The following PCDHA3 variants were observed in gnomAD, a reference collection of about 807,000 sequenced individuals.
PCDHA3 encodes protocadherin alpha 3.
A neutral mutation model predicts 62.2 loss-of-function variants in PCDHA3; 41 were observed. That is an observed-to-expected ratio of 0.66 (90% confidence interval 0.51 to 0.86). PCDHA3 has a LOEUF of 0.86. Among genes scored for constraint, PCDHA3 ranks in the 40% least tolerant of loss-of-function variants. The pLI is 0.00. For synonymous variants in PCDHA3, 640 were observed against 555.4 expected, an observed-to-expected ratio of 1.15 and a Z score of -2.14; for missense variants, 1,304 against 1,241.2, an observed-to-expected ratio of 1.05 and a Z score of -0.76.
At chr5:140,841,468 G>T (rs1777250619) in intron 1 of PCDHA3, 7 of 1,612,868 alleles carry the variant, frequency 4.3e-6, no homozygotes, top group African/African-American at 1.3e-5. Context: ...GCCGGATCGC[G>T]CAGGACCTGG....
chr5:141,008,299 C>G (rs1223779122), intron 3 of PCDHA3, among the ~76,000 whole-genome samples: 9 of 152,238 alleles, frequency 5.9e-5, no homozygotes, highest in Non-Finnish European at 1.2e-4. Context: ...TGTACCCAAC[C>G]CTAAACTGTA....
intron 1 of PCDHA3, chr5:140,870,137 A>C (rs1554163840): frequency 6.2e-7 from 1 of 1,613,940 alleles, no homozygotes; most frequent in Non-Finnish European, 8.5e-7. Flanking sequence ...ACCAACGATA[A>C]CTCTCCTGAA....
intron 1 of PCDHA3, chr5:140,877,314 G>A (rs2057020187): frequency 6.2e-7 from 1 of 1,613,972 alleles, no homozygotes; most frequent in Admixed American, 1.7e-5. Context: ...TGCAACCGGC[G>A]GCGGTCGGCG....
intron 1 of PCDHA3, among the ~76,000 whole-genome samples, chr5:140,955,368 G>C (rs1554221882): frequency 6.6e-6 from 1 of 152,122 alleles, no homozygotes; most frequent in Admixed American, 6.5e-5. Flanking sequence ...CCCAGTGGGA[G>C]GTAATTGAAT....
chr5:140,868,751 C>A, intron 1 of PCDHA3: 1 of 215,966 alleles, frequency 4.6e-6, no homozygotes, highest in Non-Finnish European at 9.2e-6. Flanking sequence ...ATGCCATTTC[C>A]ATATATATTT....
chr5:140,963,238 A>G (rs1347398946), intron 1 of PCDHA3, among the ~76,000 whole-genome samples: 1 of 152,090 alleles, frequency 6.6e-6, no homozygotes, highest in Non-Finnish European at 1.5e-5. Context: ...TGTTTGATGG[A>G]TTAGGTAGGT....
intron 1 of PCDHA3, chr5:140,829,395 T>C (rs1554131925): frequency 3.7e-6 from 6 of 1,614,052 alleles, no homozygotes; most frequent in Non-Finnish European, 5.1e-6. Flanking sequence ...TCGCCTTCGC[T>C]GTGGGCCACC....
chr5:140,803,598 A>G lies in PCDHA3; in HGVS notation c.2394+7A>G. 1 of 1,614,076 alleles carries G rather than the reference A, an allele frequency of 6.2e-7. No homozygotes were observed. The highest frequency in any genetic ancestry group is 1.1e-5 in the South Asian group (1 of 91,074). ...CGTTGATCTCTCAGCCAAAGTGAGTAATTTTTATTTATTCTTTCCAAAATG... is the reference window on the plus strand; with the variant it reads ...CGTTGATCTCTCAGCCAAAGTGAGTGATTTTTATTTATTCTTTCCAAAATG... On this transcript the variant is annotated splice_region_variant and intron_variant, in intron 1 of 3. Coordinates refer to ENST00000522353, the MANE Select transcript of PCDHA3 (RefSeq NM_018906.3).
intron 1 of PCDHA3, among the ~76,000 whole-genome samples, chr5:140,960,334 T>C (rs902345282): frequency 6.6e-6 from 1 of 152,182 alleles, no homozygotes; most frequent in African/African-American, 2.4e-5. Context: ...GAGAAGTACA[T>C]GAGGTGAGAT....
chr5:140,857,329 G>T (rs781793178), intron 1 of PCDHA3: 1 of 1,598,568 alleles, frequency 6.3e-7, no homozygotes. Context: ...TGACCGCGCG[G>T]GACGGGGGCT....
chr5:140,978,036 C>T (rs1460377915), intron 1 of PCDHA3, among the ~76,000 whole-genome samples: 22 of 152,268 alleles, frequency 1.4e-4, no homozygotes, highest in Admixed American at 1.4e-3. Context: ...TGATACAAGA[C>T]AGTGATGGTG....
At position 140,883,968 on chromosome 5, in the gene PCDHA3, C is replaced by G. The variant is rs201548026; in HGVS notation, c.2394+80377C>G. 34 of 1,613,020 alleles carry G rather than the reference C, an allele frequency of 2.1e-5. No homozygotes were observed. The East Asian group carries it at 7.4e-4, about 35-fold the overall frequency. ...AACGACAACGCTCCGGCGCTGCTGACGCCCGGGGCTGGCAGCGCGGGAGGC... is the reference window on the plus strand; with the variant it reads ...AACGACAACGCTCCGGCGCTGCTGAGGCCCGGGGCTGGCAGCGCGGGAGGC... On this transcript the variant is annotated intron_variant, in intron 1 of 3. Coordinates refer to ENST00000522353, the MANE Select transcript of PCDHA3 (RefSeq NM_018906.3).
chr5:140,822,050 A>C, intron 1 of PCDHA3: 1 of 1,614,182 alleles, frequency 6.2e-7, no homozygotes, highest in South Asian at 1.1e-5. Flanking sequence ...ATCGACCGGG[A>C]GGAGCTGTGC....
intron 1 of PCDHA3, among the ~76,000 whole-genome samples, chr5:140,921,875 A>G (rs1414785128): frequency 6.6e-6 from 1 of 152,118 alleles, no homozygotes; most frequent in Non-Finnish European, 1.5e-5. Flanking sequence ...CAGTATATAT[A>G]TAAGATTTTA....
At chr5:140,968,044 A>C (rs959631573) in intron 1 of PCDHA3, 2 of 1,614,142 alleles carry the variant, frequency 1.2e-6, no homozygotes, top group Non-Finnish European at 1.7e-6. Context: ...TGAGCGGCCC[A>C]CTGGACCGAG....
intron 1 of PCDHA3, chr5:140,841,287 A>G: frequency 3.9e-6 from 6 of 1,554,152 alleles, no homozygotes; most frequent in Non-Finnish European, 5.2e-6. Context: ...CTTTATATTA[A>G]GATAATATTT....
rs138097279 is a variant in PCDHA3 at position 140,803,012 on chromosome 5, G to T, written c.1815G>T (p.Ala605=). ...TGGATGCAGACTCAGGCTACAACGCGTGGCTTTCGTATGAGCTGCAGCCTG... is the reference window on the plus strand; with the variant it reads ...TGGATGCAGACTCAGGCTACAACGCTTGGCTTTCGTATGAGCTGCAGCCTG... ...RAVDADSGYN[A]WLSYELQPGT... The change falls in exon 1 of 4, where the codon GCG becomes GCT. Residue 605 remains alanine (A), a synonymous_variant. Coordinates refer to ENST00000522353, the MANE Select transcript of PCDHA3 (RefSeq NM_018906.3). The T allele has an allele frequency of 1.2e-6, 2 of 1,613,936 alleles. No homozygotes were observed. Among genetic ancestry groups the T allele is most frequent in the Admixed American group, 1.7e-5 (1 of 60,006 alleles).
intron 1 of PCDHA3, among the ~76,000 whole-genome samples, chr5:140,972,168 G>T (rs969968770): frequency 2.6e-5 from 4 of 152,064 alleles, no homozygotes; most frequent in African/African-American, 9.7e-5. Context: ...TTGAGACAGA[G>T]TCTTGGCCTG....
chr5:140,941,206 T>TCTTC (rs201128549), intron 1 of PCDHA3, among the ~76,000 whole-genome samples: 3,670 of 95,482 alleles, frequency 0.038, 169 homozygotes, highest in African/African-American at 0.16. Flanking sequence ...TTTCTTCCTT[T>TCTTC]CTTTCTTCCT....
Sources: gnomAD v4.1 joint callset for allele counts (sites outside exome capture counted in the v4.1 genomes callset) on GRCh38, gnomAD v4.1.1 for gene constraint, MANE v1.5 for transcripts, NCBI Gene and HGNC (gene_info 2026-07-23, HGNC 2026-07-21) for gene names.